Variants in SEMA3A observed in about 807,000 individuals in gnomAD.
The protein encoded by SEMA3A is semaphorin-3A.
A neutral mutation model predicts 97.9 loss-of-function variants in SEMA3A; 29 were observed. The observed-to-expected ratio is 0.30, with a 90% CI of 0.22 to 0.40. SEMA3A has a LOEUF of 0.40. SEMA3A is among the 10% of genes least tolerant of loss of function. The pLI, the probability that SEMA3A is intolerant of heterozygous loss-of-function variation, is 1.00. For missense variants in SEMA3A, 763 were observed against 951.3 expected, an observed-to-expected ratio of 0.80 and a Z score of 2.60; for synonymous variants, 321 against 323.7, an observed-to-expected ratio of 0.99 and a Z score of 0.09.
chr7:84,294,896 C>G (rs1800831415), intron 3 of SEMA3A, among the ~76,000 whole-genome samples: 1 of 152,036 alleles, frequency 6.6e-6, no homozygotes, highest in South Asian at 2.1e-4. Flanking sequence ...CTAACCTTCC[C>G]ATTTCCTCCC....
intron 3 of SEMA3A, among the ~76,000 whole-genome samples, chr7:84,226,771 G>A (rs956243808): frequency 6.6e-6 from 1 of 151,958 alleles, no homozygotes; most frequent in African/African-American, 2.4e-5. Context: ...AGTTCAAAAA[G>A]CAAGATAATT....
Position 84,046,535 on chromosome 7 carries a change from A to G in SEMA3A, c.548-92T>C, listed in dbSNP as rs552611053. The G allele has an allele frequency of 4.6e-4, 670 of 1,461,274 alleles. 1 individual carries two copies. The highest frequency in any genetic ancestry group is 2.3e-3 in the Admixed American group (132 of 56,470). The allele number at this position is 1,461,274 out of a possible 1,614,324, so 90.5% of individuals were successfully genotyped here. A position where few individuals can be genotyped will look rare whatever the true frequency, so the allele number is the denominator to read the frequency against. ...ACAAACAAAATGCAAGTTTCATGTT[A>G]TGACCATGCTAAGAGGAAAACTGAA... On this transcript the variant is annotated intron_variant, in intron 5 of 16. Transcript: ENST00000265362.
At chr7:84,264,248 G>T (rs112030435) in intron 3 of SEMA3A, among the ~76,000 whole-genome samples, 159 of 152,242 alleles carry the variant, frequency 1.0e-3, no homozygotes, top group African/African-American at 3.7e-3. Flanking sequence ...TTAACCCGAT[G>T]ATTCCAGAAT....
At chr7:84,035,437 T>C (rs1402590031) in intron 6 of SEMA3A, among the ~76,000 whole-genome samples, 1 of 152,034 alleles carries the variant, frequency 6.6e-6, no homozygotes, top group Non-Finnish European at 1.5e-5. Flanking sequence ...TGTAGGAGTA[T>C]TATTGTGTTT....
intron 1 of SEMA3A, among the ~76,000 whole-genome samples, chr7:84,426,723 T>C (rs1465419910): frequency 1.1e-4 from 17 of 152,148 alleles, no homozygotes; most frequent in Admixed American, 1.1e-3. Context: ...AGTATATCCA[T>C]TGTAATAGCT....
chr7:84,129,081 G>A, intron 3 of SEMA3A, 42 bp downstream of exon 3: 2 of 1,449,148 alleles, frequency 1.4e-6, no homozygotes, highest in Non-Finnish European at 1.9e-6. Flanking sequence ...TTTGAATGAA[G>A]GATACTCAAC....
chr7:83,975,627 G>A (rs915453126), intron 15 of SEMA3A, among the ~76,000 whole-genome samples: 9 of 151,996 alleles, frequency 5.9e-5, no homozygotes, highest in African/African-American at 2.2e-4. Flanking sequence ...TATAAACCTA[G>A]AAATATACAA....
chr7:83,991,423 T>C (rs1182919453), intron 12 of SEMA3A, among the ~76,000 whole-genome samples: 6 of 151,200 alleles, frequency 4.0e-5, no homozygotes, highest in African/African-American at 1.5e-4. Flanking sequence ...TGCTTCCAGG[T>C]TTTGCCCATT....
intron 5 of SEMA3A, among the ~76,000 whole-genome samples, chr7:84,046,760 C>A (rs1304805210): frequency 6.6e-6 from 1 of 152,002 alleles, no homozygotes; most frequent in Non-Finnish European, 1.5e-5. Flanking sequence ...ACTATGACCA[C>A]TGACAAACTC....
chr7:84,425,075 A>G (rs1562943302), intron 1 of SEMA3A, among the ~76,000 whole-genome samples: 1 of 106,036 alleles, frequency 9.4e-6, no homozygotes, highest in Non-Finnish European at 1.7e-5. Context: ...TTATAAATAT[A>G]ATTTATATTT....
intron 6 of SEMA3A, among the ~76,000 whole-genome samples, chr7:84,031,765 G>A (rs566375440): frequency 7.4e-4 from 113 of 152,202 alleles, no homozygotes; most frequent in South Asian, 1.7e-3. Context: ...GAACCTAGGA[G>A]GCGGAGGTTG....
chr7:84,201,992 TAC>T (rs1798370080), intron 3 of SEMA3A, among the ~76,000 whole-genome samples: 1 of 152,194 alleles, frequency 6.6e-6, no homozygotes, highest in African/African-American at 2.4e-5. Context: ...TGTTCTCACA[TAC>T]ACTTTGCCAT....
At chr7:84,236,746 C>A in intron 3 of SEMA3A, among the ~76,000 whole-genome samples, 1 of 152,122 alleles carries the variant, frequency 6.6e-6, no homozygotes, top group East Asian at 1.9e-4. Flanking sequence ...TTGCCTCAGT[C>A]TATCAAAACC....
In SEMA3A at chr7:84,220,225, G is replaced by A. The variant is rs184717433; in HGVS notation, c.-82-25557C>T. Among the ~76,000 whole-genome samples the A allele has an allele frequency of 1.9e-3, 292 of 152,172 alleles. 1 individual carries two copies. The highest frequency in any genetic ancestry group is 6.5e-3 in the African/African-American group (272 of 41,544). Reference sequence around the variant, plus strand: ...CTTCGTAGGAAGGAAATCCTCATCCGTAAAAGTTTCATTATGAGATTGCAG... The same window carrying A: ...CTTCGTAGGAAGGAAATCCTCATCCATAAAAGTTTCATTATGAGATTGCAG... On this transcript the variant is annotated intron_variant, in intron 3 of 3. Transcript: ENST00000424555.
At chr7:84,270,676 T>A (rs1200032704) in intron 3 of SEMA3A, among the ~76,000 whole-genome samples, 1 of 148,754 alleles carries the variant, frequency 6.7e-6, no homozygotes, top group Non-Finnish European at 1.5e-5. Flanking sequence ...TATATGAATA[T>A]ATATAGATAT....
intron 2 of SEMA3A, among the ~76,000 whole-genome samples, chr7:84,356,308 T>C (rs1420350169): frequency 6.6e-6 from 1 of 151,740 alleles, no homozygotes; most frequent in Non-Finnish European, 1.5e-5. Context: ...GCTAATTATT[T>C]ATTATAACTA....
At chr7:84,418,894 T>C (rs1251309090) in intron 1 of SEMA3A, among the ~76,000 whole-genome samples, 4 of 151,852 alleles carry the variant, frequency 2.6e-5, no homozygotes, top group African/African-American at 9.7e-5. Flanking sequence ...CTCATATATA[T>C]ATACACACAT....
At chr7:83,992,129 T>G (rs1789975083) in intron 12 of SEMA3A, among the ~76,000 whole-genome samples, 1 of 148,474 alleles carries the variant, frequency 6.7e-6, no homozygotes, top group Admixed American at 6.7e-5. Flanking sequence ...TAGTATTCTC[T>G]GATGGTAGTT....
chr7:84,409,593 C>T (rs1348141696), intron 1 of SEMA3A, among the ~76,000 whole-genome samples: 1 of 152,000 alleles, frequency 6.6e-6, no homozygotes, highest in Non-Finnish European at 1.5e-5. Context: ...TTACTTACTT[C>T]TCTGAAACGT....
Sources: allele counts gnomAD v4.1 joint callset (sites outside exome capture counted in the v4.1 genomes callset), GRCh38; gene constraint gnomAD v4.1.1; transcripts MANE v1.5; gene names NCBI Gene and HGNC (gene_info 2026-07-23, HGNC 2026-07-21).